Variants in RNF214 observed in about 807,000 individuals in gnomAD.
RNF214 encodes ring finger protein 214.
A neutral mutation model predicts 75.9 loss-of-function variants in RNF214; 25 were observed. That is an observed-to-expected ratio of 0.33 (90% CI 0.24 to 0.46). The LOEUF is 0.46. Among genes scored for constraint, RNF214 ranks in the 20% least tolerant of loss-of-function variants. RNF214 has a pLI of 1.00. For missense variants in RNF214, 725 were observed against 857.5 expected (o/e 0.85, Z 1.93); for synonymous variants, 314 against 308.8 (o/e 1.02, Z -0.18).
intron 6 of RNF214, among the ~76,000 whole-genome samples, chr11:117,266,469 C>T (rs2033798712): frequency 6.6e-6 from 1 of 152,096 alleles, no homozygotes; most frequent in African/African-American, 2.4e-5. Context: ...AAGCGATCTT[C>T]CCGCCTCAGC....
intron 2 of RNF214, among the ~76,000 whole-genome samples, chr11:117,235,555 A>G (rs1164496157): frequency 3.5e-5 from 5 of 142,276 alleles, no homozygotes; most frequent in Admixed American, 7.2e-5. Flanking sequence ...CTGGAGTGCA[A>G]TGGCGTGAAC....
In RNF214 at chr11:117,282,774, C is replaced by T; in HGVS notation, c.1874C>T (p.Pro625Leu). Reference protein sequence around the residue: ...QPLGRIRALFPAPLAQISTPM... With the variant: ...QPLGRIRALFLAPLAQISTPM... Reference sequence around the variant, plus strand: ...CTTGGTCGCATCCGGGCCTTGTTCCCTGCTCCACTGGCCCAAATCAGTACC... The same window carrying T: ...CTTGGTCGCATCCGGGCCTTGTTCCTTGCTCCACTGGCCCAAATCAGTACC... The change falls in exon 13 of 15, where the codon CCT becomes CTT. Residue 625 changes from proline (P) to leucine (L), a missense_variant. Around this residue, in one of 2 missense-constraint regions of RNF214, gnomAD observed 363 missense variants for 513.0 expected, o/e 0.71. Coordinates refer to ENST00000300650, the MANE Select transcript of RNF214 (RefSeq NM_207343.4). 3 of 1,614,154 alleles carry T rather than the reference C, an allele frequency of 1.9e-6. No homozygotes were observed. Among genetic ancestry groups the T allele is most frequent in the Non-Finnish European group, 2.5e-6 (3 of 1,180,030 alleles).
chr11:117,263,530 T>TC (rs1202978115), intron 6 of RNF214, among the ~76,000 whole-genome samples: 5 of 152,236 alleles, frequency 3.3e-5, no homozygotes, highest in African/African-American at 1.2e-4. Flanking sequence ...CGCCTCGGCC[T>TC]CCCAAAGTGC....
intron 2 of RNF214, among the ~76,000 whole-genome samples, chr11:117,235,647 C>T (rs993675254): frequency 1.3e-5 from 2 of 151,836 alleles, no homozygotes; most frequent in African/African-American, 4.8e-5. Context: ...GCTAGGATTA[C>T]AGCCGCCCAG....
chr11:117,249,338 G>T (rs139680490), intron 6 of RNF214, among the ~76,000 whole-genome samples: 7 of 152,132 alleles, frequency 4.6e-5, no homozygotes, highest in Non-Finnish European at 8.8e-5. Flanking sequence ...GCTACAGATG[G>T]TGATTGATAC....
At chr11:117,239,940 G>C in intron 4 of RNF214, 80 bp downstream of exon 4, 1 of 754,398 alleles carries the variant, frequency 1.3e-6, no homozygotes, top group East Asian at 2.6e-5. Context: ...AGTTGGAAAA[G>C]GTGCAGGAGT....
At chr11:117,281,569 C>T (rs767060527) in intron 9 of RNF214, 31 bp from the exon 10 acceptor site, 1 of 1,530,412 alleles carries the variant, frequency 6.5e-7, no homozygotes, top group East Asian at 2.2e-5. Flanking sequence ...TGAGTCAGTT[C>T]AGCAGTAAAA....
chr11:117,248,614 A>G (rs1343599902), intron 6 of RNF214, among the ~76,000 whole-genome samples: 1 of 152,234 alleles, frequency 6.6e-6, no homozygotes, highest in Non-Finnish European at 1.5e-5. Flanking sequence ...TTGTAGACCA[A>G]TCAGTTGTTC....
chr11:117,263,535 A>G (rs2033724277), intron 6 of RNF214, among the ~76,000 whole-genome samples: 1 of 152,188 alleles, frequency 6.6e-6, no homozygotes, highest in South Asian at 2.1e-4. Flanking sequence ...CGGCCTCCCA[A>G]AGTGCTGGGA....
rs993882431 is a variant in RNF214 at position 117,281,325 on chromosome 11, C to G, written c.1157C>G (p.Pro386Arg). Reference protein sequence around the residue: ...LHLTYLKSTPPTLETVRSKQE... With the variant: ...LHLTYLKSTPRTLETVRSKQE... Reference sequence around the variant, plus strand: ...TGGTTTCTTGAAAGGTCAACTCCCCCAACACTGGAGACAGTTCGTTCCAAA... The same window carrying G: ...TGGTTTCTTGAAAGGTCAACTCCCCGAACACTGGAGACAGTTCGTTCCAAA... The change falls in exon 9 of 15, where the codon CCA (proline) becomes CGA (arginine). Residue 386 changes from proline to arginine, a missense_variant. This residue lies in a region of RNF214 where 363 missense variants were observed against 513.0 expected (regional missense o/e 0.71). Coordinates refer to ENST00000300650, the MANE Select transcript of RNF214 (RefSeq NM_207343.4). 6.2e-7 allele frequency: 1 copy of G among 1,612,680 alleles called. No homozygotes were observed. Among genetic ancestry groups the G allele is most frequent in the African/African-American group, 1.3e-5 (1 of 74,906 alleles).
At chr11:117,254,386 A>G (rs2033471748) in intron 6 of RNF214, among the ~76,000 whole-genome samples, 3 of 152,156 alleles carry the variant, frequency 2.0e-5, no homozygotes, top group African/African-American at 7.2e-5. Flanking sequence ...TTCCCAATAA[A>G]TTTACACTTT....
chr11:117,253,060 T>A (rs2033439144), intron 6 of RNF214, among the ~76,000 whole-genome samples: 1 of 152,168 alleles, frequency 6.6e-6, no homozygotes, highest in Admixed American at 6.5e-5. Context: ...TTGGCCCAGC[T>A]AGAGTGTAGT....
intron 3 of RNF214, 153 bp from the exon 4 acceptor site, chr11:117,239,648 G>T: frequency 1.6e-6 from 1 of 637,876 alleles, no homozygotes; most frequent in East Asian, 2.8e-5. Flanking sequence ...GTTGGTGTCC[G>T]TTTGCCAGAA....
intron 6 of RNF214, among the ~76,000 whole-genome samples, chr11:117,271,559 G>A (rs888510076): frequency 2.6e-5 from 4 of 152,184 alleles, no homozygotes; most frequent in Non-Finnish European, 4.4e-5. Flanking sequence ...GGATAAATCT[G>A]TCCCTGGTAC....
chr11:117,277,592 C>T (rs567085759), intron 6 of RNF214, among the ~76,000 whole-genome samples: 8 of 152,262 alleles, frequency 5.3e-5, no homozygotes, highest in Admixed American at 2.0e-4. Flanking sequence ...GAAAGGGCCT[C>T]ATAAACTTCT....
chr11:117,281,120 G>C (rs925093144), intron 8 of RNF214, among the ~76,000 whole-genome samples, 194 bp from the exon 9 acceptor site: 1 of 151,262 alleles, frequency 6.6e-6, no homozygotes, highest in African/African-American at 2.4e-5. Flanking sequence ...GACTATAGGC[G>C]TGAGCCACCA....
rs1296975246 is a variant in RNF214 at position 117,281,966 on chromosome 11, G to T, written c.1408G>T (p.Val470Phe). 1 of 1,613,952 alleles carries T rather than the reference G, an allele frequency of 6.2e-7. No individual in the cohort carries two copies. The highest frequency in any genetic ancestry group is 8.5e-7 in the Non-Finnish European group (1 of 1,179,908). Residue 470 changes from valine (V) to phenylalanine (F), a missense_variant, in exon 11 of 15, where the codon GTC (valine) becomes TTC (phenylalanine). This residue lies in a region of RNF214 where 363 missense variants were observed against 513.0 expected (regional missense o/e 0.71). Transcript: ENST00000300650. The part of the protein sequence containing the change: ...APRMPFSIGQ[V>F]TMPMVMPSAD... Reference sequence around the variant, plus strand: ...TCGGATGCCCTTCTCCATTGGGCAGGTCACAATGCCCATGGTTATGCCCAG... The same window carrying T: ...TCGGATGCCCTTCTCCATTGGGCAGTTCACAATGCCCATGGTTATGCCCAG...
rs757962514 is a variant in RNF214 at position 117,280,197 on chromosome 11, G to A, written c.1083G>A (p.Glu361=). Residue 361 remains glutamate, a synonymous_variant, in exon 8 of 15, where the codon GAG becomes GAA. Transcript: ENST00000300650. ...AEILSLESRK[E]LLVLKLEEAE... is the part of the protein sequence containing the mutation. ...TCTTATCACTAGAGAGCCGGAAAGAGTTACTGGTACTGAAACTAGAAGAAG... is the reference window on the plus strand; with the variant it reads ...TCTTATCACTAGAGAGCCGGAAAGAATTACTGGTACTGAAACTAGAAGAAG... 17 of 1,613,772 alleles carry A rather than the reference G, an allele frequency of 1.1e-5. 1 individual carries two copies. In the Middle Eastern group the frequency reaches 6.6e-4, roughly 63 times the overall value.
rs77987367 is a variant in RNF214 at position 117,256,469 on chromosome 11, C to T, written c.959+9521C>T. 7.0e-3 allele frequency among the ~76,000 whole-genome samples: 1,069 copies of T among 152,304 alleles called. 11 individuals carry two copies. The highest frequency in any genetic ancestry group is 0.011 in the Non-Finnish European group (715 of 68,024). On this transcript the variant is annotated intron_variant, in intron 6 of 14. Coordinates refer to ENST00000300650, the MANE Select transcript of RNF214 (RefSeq NM_207343.4). ...TTGTGGCTGGGGCTAGGATATCCAA[C>T]ATGGCTTCATTCATATCCCTGGCAC...
Sources: gnomAD v4.1 joint callset for allele counts (sites outside exome capture counted in the v4.1 genomes callset) on GRCh38, gnomAD v4.1.1 for gene constraint, gnomAD v4.1.1 regional missense constraint, MANE v1.5 for transcripts, NCBI Gene and HGNC (gene_info 2026-07-23, HGNC 2026-07-21) for gene names.